PBX1: variants seen among roughly 807,000 people sequenced by gnomAD.
PBX1 encodes the protein PBX homeobox 1.
Under a neutral mutation model 53.4 loss-of-function variants are expected in PBX1, and 6 were observed. That is an observed-to-expected ratio of 0.11 (90% CI 0.06 to 0.22). PBX1 has a LOEUF of 0.22. Ranked by LOEUF, PBX1 falls within the 10% of genes least tolerant of loss-of-function variation. The pLI, the probability that PBX1 is intolerant of heterozygous loss-of-function variation, is 1.00. For missense variants in PBX1, 251 were observed against 551.4 expected (o/e 0.46, Z 5.46); for synonymous variants, 204 against 212.3 (o/e 0.96, Z 0.34).
intron 2 of PBX1, among the ~76,000 whole-genome samples, chr1:164,618,405 T>C (rs1025098318): frequency 2.6e-5 from 4 of 151,170 alleles, no homozygotes; most frequent in Admixed American, 6.6e-5. Flanking sequence ...TGTCAATGAC[T>C]GTCTCCTACT....
chr1:164,753,765 C>T (rs947639800), intron 2 of PBX1, among the ~76,000 whole-genome samples: 4 of 152,210 alleles, frequency 2.6e-5, no homozygotes, highest in Non-Finnish European at 5.9e-5. Context: ...TGTTACTCCT[C>T]GTATGTTAGC....
At chr1:164,773,288 A>G (rs913177503) in intron 2 of PBX1, among the ~76,000 whole-genome samples, 1 of 93,404 alleles carries the variant, frequency 1.1e-5, no homozygotes, top group Non-Finnish European at 2.3e-5. Context: ...TTTTCTTGAT[A>G]TGCTGTCTCT....
intron 2 of PBX1, among the ~76,000 whole-genome samples, chr1:164,636,968 G>A (rs1163266637): frequency 1.3e-5 from 2 of 152,284 alleles, no homozygotes; most frequent in Admixed American, 6.5e-5. Context: ...AGTAAATGGG[G>A]CTTAGTATAA....
At chr1:164,801,463 A>AAC (rs1301202865) in intron 4 of PBX1, among the ~76,000 whole-genome samples, 1 of 152,074 alleles carries the variant, frequency 6.6e-6, no homozygotes, top group African/African-American at 2.4e-5. Context: ...AAAAAAAAAA[A>AAC]AAACAATTGG....
chr1:164,716,349 T>G (rs1293478992), intron 2 of PBX1, among the ~76,000 whole-genome samples: 1 of 152,042 alleles, frequency 6.6e-6, no homozygotes, highest in Non-Finnish European at 1.5e-5. Flanking sequence ...GAAAAGAATA[T>G]GTAGCCTACA....
At chr1:164,664,104 G>A (rs943228825) in intron 2 of PBX1, among the ~76,000 whole-genome samples, 1 of 152,232 alleles carries the variant, frequency 6.6e-6, no homozygotes, top group African/African-American at 2.4e-5. Flanking sequence ...ACCAAGGGAA[G>A]TGTCTGTCTG....
At chr1:164,870,262 C>CT (rs1672327585) in intron 2 of PBX1, among the ~76,000 whole-genome samples, 1 of 64,620 alleles carries the variant, frequency 1.5e-5, no homozygotes, top group Non-Finnish European at 2.9e-5. Context: ...TCCTTCCTTC[C>CT]TTCCTTCTTT....
chr1:164,640,569 T>G (rs28670818), intron 2 of PBX1, among the ~76,000 whole-genome samples: 4 of 150,600 alleles, frequency 2.7e-5, no homozygotes, highest in East Asian at 3.9e-4. Flanking sequence ...TTTTTTTTTT[T>G]TTTTTTAGAC....
intron 2 of PBX1, among the ~76,000 whole-genome samples, chr1:164,564,749 T>C (rs565704320): frequency 6.6e-6 from 1 of 152,200 alleles, no homozygotes; most frequent in South Asian, 2.1e-4. Context: ...AAGAGTTTTT[T>C]CCAGTTTGTC....
chr1:164,579,413 C>T (rs1654464046), intron 2 of PBX1, among the ~76,000 whole-genome samples: 3 of 152,124 alleles, frequency 2.0e-5, no homozygotes, highest in African/African-American at 7.2e-5. Context: ...GGCCTTGTGT[C>T]ATTAGACCAC....
At chr1:164,752,206 T>TGTG (rs1666269378) in intron 2 of PBX1, among the ~76,000 whole-genome samples, 3 of 143,026 alleles carry the variant, frequency 2.1e-5, no homozygotes, top group Admixed American at 7.1e-5. Context: ...CTTTAAGGTT[T>TGTG]TGTGTGTGTG....
At chr1:164,760,467 C>T (rs995924527) in intron 2 of PBX1, among the ~76,000 whole-genome samples, 4 of 137,448 alleles carry the variant, frequency 2.9e-5, no homozygotes, top group African/African-American at 1.1e-4. Context: ...CTCCTTCTTT[C>T]CCTCCTTCCT....
intron 8 of PBX1, among the ~76,000 whole-genome samples, chr1:164,830,708 A>G (rs1024160240): frequency 1.3e-5 from 2 of 152,114 alleles, no homozygotes; most frequent in African/African-American, 4.8e-5. Flanking sequence ...CATAAGATAG[A>G]GTCTTTGTTT....
At chr1:164,762,324 G>A (rs1666853890) in intron 2 of PBX1, among the ~76,000 whole-genome samples, 1 of 152,180 alleles carries the variant, frequency 6.6e-6, no homozygotes, top group Non-Finnish European at 1.5e-5. Flanking sequence ...GCATAGTTTA[G>A]GGAACTCTGT....
At chr1:164,843,139 C>T (rs544983302) in intron 8 of PBX1, among the ~76,000 whole-genome samples, 1 of 152,150 alleles carries the variant, frequency 6.6e-6, no homozygotes, top group South Asian at 2.1e-4. Flanking sequence ...CTGAAGCAGC[C>T]GAAGTGATTT....
intron 2 of PBX1, among the ~76,000 whole-genome samples, chr1:164,604,825 T>C (rs1557886440): frequency 1.3e-5 from 2 of 152,200 alleles, no homozygotes; most frequent in Non-Finnish European, 2.9e-5. Flanking sequence ...TATTTTTTTT[T>C]TCATTTATGA....
At chr1:164,574,644 A>G (rs564782179) in intron 2 of PBX1, among the ~76,000 whole-genome samples, 37 of 152,380 alleles carry the variant, frequency 2.4e-4, no homozygotes, top group African/African-American at 8.9e-4. Flanking sequence ...AATCAAGTTG[A>G]ATTGCAGAAG....
At chr1:164,643,416 G>T (rs1418413273) in intron 2 of PBX1, among the ~76,000 whole-genome samples, 2 of 152,150 alleles carry the variant, frequency 1.3e-5, no homozygotes, top group African/African-American at 4.8e-5. Context: ...TTGGTTTTTG[G>T]TGAAGGGGTT....
At chr1:164,634,196 C>T (rs1343795720) in intron 2 of PBX1, among the ~76,000 whole-genome samples, 1 of 152,198 alleles carries the variant, frequency 6.6e-6, no homozygotes, top group African/African-American at 2.4e-5. Context: ...TATTCCCTGT[C>T]CTGAAGCCTG....
Sources: gnomAD v4.1 joint callset for allele counts (sites outside exome capture counted in the v4.1 genomes callset) on GRCh38, gnomAD v4.1.1 for gene constraint, MANE v1.5 for transcripts, NCBI Gene and HGNC (gene_info 2026-07-23, HGNC 2026-07-21) for gene names.